The following ELFN2 variants were observed in gnomAD, a reference collection of about 807,000 sequenced individuals.
The protein encoded by ELFN2 is extracellular leucine rich repeat and fibronectin type III domain containing 2, also known as protein phosphatase 1 regulatory subunit 29.
A neutral mutation model predicts 45.5 loss-of-function variants in ELFN2; 17 were observed. That is an observed-to-expected ratio of 0.37 (90% CI 0.26 to 0.56). The LOEUF (loss-of-function observed/expected upper bound fraction) is 0.56. Among genes scored for constraint, ELFN2 ranks in the 20% least tolerant of loss-of-function variants. ELFN2 has a pLI of 0.77. For missense variants in ELFN2, 922 were observed against 1,183.2 expected, an observed-to-expected ratio of 0.78 and a Z score of 3.24; for synonymous variants, 550 against 551.5, an observed-to-expected ratio of 1.00 and a Z score of 0.04.
At chr22:37,426,182 A>T (rs1932847445) in intron 1 of ELFN2, among the ~76,000 whole-genome samples, 1 of 152,122 alleles carries the variant, frequency 6.6e-6, no homozygotes, top group East Asian at 1.9e-4. Flanking sequence ...GGGGCACAGC[A>T]CAGAGCCCTG....
At chr22:37,388,147 A>G (rs1932002022) in intron 2 of ELFN2, among the ~76,000 whole-genome samples, 2 of 152,050 alleles carry the variant, frequency 1.3e-5, no homozygotes, top group Non-Finnish European at 2.9e-5. Context: ...TAGAACATCA[A>G]CCTGAGCATG....
chr22:37,365,541 G>T (rs547221208), downstream of ELFN2, among the ~76,000 whole-genome samples: 30 of 152,248 alleles, frequency 2.0e-4, no homozygotes, highest in African/African-American at 6.7e-4. Context: ...TTGAGTTACA[G>T]ATATCTTGGA....
chr22:37,374,223 T>C lies in ELFN2; in HGVS notation c.1312A>G (p.Ile438Val). The C allele has an allele frequency of 6.2e-7, 1 of 1,613,946 alleles. No individual in the cohort carries two copies. Among genetic ancestry groups the C allele is most frequent in the Non-Finnish European group, 8.5e-7 (1 of 1,180,030 alleles). The change falls in exon 3 of 3, where the codon ATC (isoleucine) becomes GTC (valine). Residue 438 changes from isoleucine (I) to valine (V), a missense_variant. Ile to Val is a conservative substitution (Grantham distance 29). Transcript: ENST00000402918. ...TCAGCCCCGTAGCGCATCTCCAGGA[T>C]GGTCTTCTTGACGTTGACAGACTTC... ...KQKSVNVKKT[I>V]LEMRYGADVD...
intron 2 of ELFN2, among the ~76,000 whole-genome samples, chr22:37,377,522 C>A (rs533177949): frequency 2.0e-5 from 3 of 152,308 alleles, no homozygotes; most frequent in Non-Finnish European, 4.4e-5. Context: ...AAAGCAAAAC[C>A]AATTTACAGC....
chr22:37,405,879 G>C (rs1287874773), intron 2 of ELFN2, among the ~76,000 whole-genome samples: 1 of 151,916 alleles, frequency 6.6e-6, no homozygotes, highest in Non-Finnish European at 1.5e-5. Flanking sequence ...GCTCGCGCTT[G>C]TCATCTGAGC....
intron 2 of ELFN2, among the ~76,000 whole-genome samples, chr22:37,410,157 G>A (rs1932610206): frequency 6.6e-6 from 1 of 152,164 alleles, no homozygotes; most frequent in South Asian, 2.1e-4. Context: ...ACAGGCGGTT[G>A]CGGCAAACAG....
At chr22:37,376,211 C>T (rs895070347) in intron 2 of ELFN2, among the ~76,000 whole-genome samples, 1 of 151,984 alleles carries the variant, frequency 6.6e-6, no homozygotes, top group Non-Finnish European at 1.5e-5. Context: ...CGGAGGGAGA[C>T]AGAAGAATAG....
rs141350069 is a variant in ELFN2, at chr22:37,373,858, C to T, written c.1677G>A (p.Ser559=). The change falls in exon 3 of 3, where the codon TCG becomes TCA. Residue 559 remains serine (S), a synonymous_variant. Transcript: ENST00000402918. Reference sequence around the variant, plus strand: ...TGCTGCCGCCTCCCAGAAAAGAGGCCGAGTCCAGCTTGAGAGCATCGATGC... The same window carrying T: ...TGCTGCCGCCTCCCAGAAAAGAGGCTGAGTCCAGCTTGAGAGCATCGATGC... ...NNCIDALKLD[S]ASFLGGGSSS... 2.0e-5 allele frequency: 32 copies of T among 1,613,286 alleles called. No homozygotes were observed. The highest frequency in any genetic ancestry group is 6.6e-5 in the South Asian group (6 of 91,084).
rs557358139 is a variant in ELFN2 at position 37,403,938 on chromosome 22, G to A, written c.-463+13831C>T. On this transcript the variant is annotated intron_variant, in intron 2 of 2. Coordinates refer to ENST00000402918, the MANE Select transcript of ELFN2 (RefSeq NM_052906.5). ...CACTCCCCTCAAAGGGCTCTTGGGAGAAAGAGAGGGACGTCCCCAGCACAA... is the reference window on the plus strand; with the variant it reads ...CACTCCCCTCAAAGGGCTCTTGGGAAAAAGAGAGGGACGTCCCCAGCACAA... Among the ~76,000 whole-genome samples the A allele has an allele frequency of 2.6e-5, 4 of 152,348 alleles. No homozygotes were observed. The East Asian group carries it at 7.7e-4, about 29-fold the overall frequency.
chr22:37,391,053 T>C (rs914475877), intron 2 of ELFN2, among the ~76,000 whole-genome samples: 1 of 152,120 alleles, frequency 6.6e-6, no homozygotes, highest in East Asian at 1.9e-4. Flanking sequence ...TCCCTCTCTC[T>C]CCATTCAAAC....
In ELFN2 at chr22:37,368,888, A is replaced by ACCCCCCC. The variant is rs1931278035; in HGVS notation, c.*4183_*4184insGGGGGGG. On this transcript the variant is annotated 3_prime_UTR_variant, in exon 3 of 3. Coordinates refer to ENST00000402918, the MANE Select transcript of ELFN2 (RefSeq NM_052906.5). ...TCCCTCTAGTCTCGTCTTCACACCC[A>ACCCCCCC]CCCACCCACCCACCCTTCTGGCTCC... 1 of 35,318 alleles carries ACCCCCCC rather than the reference A, an allele frequency of 2.8e-5. No individual in the cohort carries two copies. The highest frequency in any genetic ancestry group is 6.0e-5 in the Non-Finnish European group (1 of 16,624). The allele number at this position is 35,318 out of a possible 1,614,324, so 2.2% of individuals were successfully genotyped here. A position where few individuals can be genotyped will look rare whatever the true frequency, so the allele number is the denominator to read the frequency against.
chr22:37,376,752 G>C (rs1027350877), intron 2 of ELFN2, among the ~76,000 whole-genome samples: 12 of 152,222 alleles, frequency 7.9e-5, no homozygotes, highest in African/African-American at 2.9e-4. Context: ...AGAAAGGCCA[G>C]ACTCTGGGAG....
chr22:37,390,017 G>A (rs1033439372), intron 2 of ELFN2, among the ~76,000 whole-genome samples: 1 of 152,192 alleles, frequency 6.6e-6, no homozygotes, highest in African/African-American at 2.4e-5. Flanking sequence ...CCTGGGGAGG[G>A]GGCCTGGGAA....
At chr22:37,358,708 G>T (rs1271338362) in intron 1 of ELFN2, among the ~76,000 whole-genome samples, 1 of 152,216 alleles carries the variant, frequency 6.6e-6, no homozygotes, top group Non-Finnish European at 1.5e-5. Flanking sequence ...TCTCAGCATG[G>T]CTGGAAGAGC....
chr22:37,394,039 C>A (rs1208567258), intron 2 of ELFN2, among the ~76,000 whole-genome samples: 2 of 152,234 alleles, frequency 1.3e-5, no homozygotes, highest in African/African-American at 4.8e-5. Context: ...CGACTGATGT[C>A]CACAGGCCCA....
intron 1 of ELFN2, among the ~76,000 whole-genome samples, chr22:37,344,961 T>A (rs1330307091): frequency 6.6e-6 from 1 of 152,154 alleles, no homozygotes; most frequent in Admixed American, 6.5e-5. Context: ...TTCTCTTCCC[T>A]GCTGTCAGCA....
chr22:37,354,076 C>A (rs888596997), intron 1 of ELFN2: 2 of 152,206 alleles, frequency 1.3e-5, no homozygotes, highest in Non-Finnish European at 2.9e-5. Context: ...GAAAATGATC[C>A]AACCGCTGCT....
At chr22:37,409,155 G>A (rs1210403985) in intron 2 of ELFN2, among the ~76,000 whole-genome samples, 2 of 152,184 alleles carry the variant, frequency 1.3e-5, no homozygotes, top group African/African-American at 2.4e-5. Flanking sequence ...ACAGGCCAGG[G>A]ACCAGGCCCC....
intron 2 of ELFN2, among the ~76,000 whole-genome samples, chr22:37,397,110 C>T (rs1018170422): frequency 6.6e-6 from 1 of 152,166 alleles, no homozygotes; most frequent in Non-Finnish European, 1.5e-5. Flanking sequence ...GGCATCACCG[C>T]CTCCAGGAAG....
Sources: gnomAD v4.1 joint callset for allele counts (sites outside exome capture counted in the v4.1 genomes callset) on GRCh38, gnomAD v4.1.1 for gene constraint, MANE v1.5 for transcripts, NCBI Gene and HGNC (gene_info 2026-07-23, HGNC 2026-07-21) for gene names.